RBFOX3: variants seen among roughly 807,000 people sequenced by gnomAD.
RBFOX3 encodes RNA binding fox-1 homolog 3, also known as RNA binding protein fox-1 homolog 3.
RBFOX3 carries 17 observed loss-of-function variants against 48.7 expected under a neutral mutation model. The ratio of observed to expected loss-of-function variants is 0.35; its 90% CI spans 0.24 to 0.52. The LOEUF (loss-of-function observed/expected upper bound fraction) is 0.52. RBFOX3 is among the 20% of genes least tolerant of loss of function. The pLI is 0.94. For missense variants in RBFOX3, 382 were observed against 497.5 expected (o/e 0.77, Z 2.21); for synonymous variants, 212 against 209.5 (o/e 1.01, Z -0.10).
intron 3 of RBFOX3, among the ~76,000 whole-genome samples, chr17:79,250,785 C>T (rs2063818102): frequency 6.7e-6 from 1 of 149,684 alleles, no homozygotes; most frequent in African/African-American, 2.5e-5. Context: ...CCCTCCCTCC[C>T]TCCCTTCCTT....
At chr17:79,227,643 G>A (rs921989422) in intron 4 of RBFOX3, among the ~76,000 whole-genome samples, 1 of 152,090 alleles carries the variant, frequency 6.6e-6, no homozygotes, top group Non-Finnish European at 1.5e-5. Context: ...ACTCTTCCAT[G>A]GCTTATAACT....
chr17:79,453,603 A>G (rs1438049774), intron 2 of RBFOX3, among the ~76,000 whole-genome samples: 6 of 152,158 alleles, frequency 3.9e-5, no homozygotes, highest in Admixed American at 3.9e-4. Flanking sequence ...GTGCCGTTTA[A>G]GAGTGTGCAG....
At chr17:79,227,118 G>T (rs2060398091) in intron 4 of RBFOX3, among the ~76,000 whole-genome samples, 1 of 152,194 alleles carries the variant, frequency 6.6e-6, no homozygotes, top group African/African-American at 2.4e-5. Flanking sequence ...GCAAGCGCCA[G>T]CCAGTTGGCA....
At chr17:79,316,962 A>G (rs1470483145) in intron 2 of RBFOX3, among the ~76,000 whole-genome samples, 1 of 152,206 alleles carries the variant, frequency 6.6e-6, no homozygotes, top group Non-Finnish European at 1.5e-5. Context: ...CACACAAGAT[A>G]TGCACACTCA....
rs2149474130 is a variant in RBFOX3 at position 79,480,228 on chromosome 17, G to C, written c.-175+2226C>G. ...ATCTGGGCTCCCCGAGGGGGCCCCTGATGGTTTACGGAATGGGGTGACAGC... is the reference window on the plus strand; with the variant it reads ...ATCTGGGCTCCCCGAGGGGGCCCCTCATGGTTTACGGAATGGGGTGACAGC... On this transcript the variant is annotated intron_variant, in intron 2 of 14. Transcript: ENST00000693108. This position sits in a 1 kb window ranked among gnomAD's most constrained non-coding sequence, Gnocchi z 4.8. Among the ~76,000 whole-genome samples, 1 of 152,312 alleles carries C rather than the reference G, an allele frequency of 6.6e-6. No homozygotes were observed. Among genetic ancestry groups the C allele is most frequent in the South Asian group, 2.1e-4 (1 of 4,822 alleles).
At chr17:79,571,267 A>G (rs1040138901) in intron 1 of RBFOX3, among the ~76,000 whole-genome samples, 1 of 152,164 alleles carries the variant, frequency 6.6e-6, no homozygotes, top group Non-Finnish European at 1.5e-5. Context: ...CCCCAAATCA[A>G]GAAAATGGCA....
In RBFOX3 at chr17:79,242,844, C is replaced by T. The variant is rs879496175; in HGVS notation, c.-73-7039G>A. 3.5e-4 allele frequency among the ~76,000 whole-genome samples: 53 copies of T among 152,216 alleles called. No individual in the cohort carries two copies. The highest frequency in any genetic ancestry group is 3.4e-3 in the Middle Eastern group (1 of 294). On this transcript the variant is annotated intron_variant, in intron 3 of 14. Coordinates refer to ENST00000693108, the MANE Select transcript of RBFOX3 (RefSeq NM_001350451.2). This position sits in a 1 kb window ranked among gnomAD's most constrained non-coding sequence, Gnocchi z 5.8. The stretch of plus-strand genomic sequence containing the variant: ...GTTTTGCCTCCTCTCCCAGGAAGCC[C>T]GGGCAGGGCTCCACAGCAACCTGCC...
At chr17:79,549,497 A>T (rs1555792957) in intron 1 of RBFOX3, among the ~76,000 whole-genome samples, 1 of 152,260 alleles carries the variant, frequency 6.6e-6, no homozygotes, top group East Asian at 1.9e-4. Context: ...TGAATCTGAT[A>T]CCAGGGTTAG....
intron 1 of RBFOX3, among the ~76,000 whole-genome samples, chr17:79,578,206 G>A (rs1392693435): frequency 3.3e-5 from 5 of 152,250 alleles, no homozygotes; most frequent in Non-Finnish European, 4.4e-5. Context: ...TGGCGATGCC[G>A]GGAGCAACCA....
intron 4 of RBFOX3, among the ~76,000 whole-genome samples, chr17:79,202,204 T>A (rs1231924818): frequency 6.6e-6 from 1 of 152,048 alleles, no homozygotes; most frequent in Non-Finnish European, 1.5e-5. Context: ...GCATCTGAGC[T>A]GGACTGTGCT....
intron 4 of RBFOX3, among the ~76,000 whole-genome samples, chr17:79,226,924 G>A (rs1343789586): frequency 6.6e-6 from 1 of 152,260 alleles, no homozygotes; most frequent in East Asian, 1.9e-4. Context: ...TTGCTCGGGA[G>A]GCTCTGGGAC....
At chr17:79,558,493 A>G in intron 1 of RBFOX3, among the ~76,000 whole-genome samples, 1 of 152,140 alleles carries the variant, frequency 6.6e-6, no homozygotes, top group Non-Finnish European at 1.5e-5. Context: ...CTTCCAAAGC[A>G]GAAACACCAG....
chr17:79,357,519 T>C (rs2085403055), intron 2 of RBFOX3, among the ~76,000 whole-genome samples: 1 of 152,098 alleles, frequency 6.6e-6, no homozygotes, highest in Non-Finnish European at 1.5e-5. Context: ...TAGTCCCAGC[T>C]ACTTGGGAGG....
chr17:79,243,811 G>A lies in RBFOX3; in HGVS notation c.-73-8006C>T, dbSNP rs2062745639. On this transcript the variant is annotated intron_variant, in intron 3 of 14. Coordinates refer to ENST00000693108, the MANE Select transcript of RBFOX3 (RefSeq NM_001350451.2). The surrounding 1 kb of genome is among the most constrained non-coding windows in gnomAD (Gnocchi z 7.9). Reference sequence around the variant, plus strand: ...GCCAAGGTTGACACAGCTTCCAAAGGGCAGAGCCAAGACAAGAAGGCGCAA... The same window carrying A: ...GCCAAGGTTGACACAGCTTCCAAAGAGCAGAGCCAAGACAAGAAGGCGCAA... Among the ~76,000 whole-genome samples the A allele has an allele frequency of 1.3e-5, 2 of 152,050 alleles. No individual in the cohort carries two copies. The highest frequency in any genetic ancestry group is 1.3e-4 in the Admixed American group (2 of 15,266).
chr17:79,536,498 GC>G (rs2088779166), intron 1 of RBFOX3, among the ~76,000 whole-genome samples: 1 of 152,248 alleles, frequency 6.6e-6, no homozygotes, highest in Non-Finnish European at 1.5e-5. Flanking sequence ...CAGCTGAGTG[GC>G]CCTGCTTAAT....
At chr17:79,137,159 C>T (rs1046350244) in intron 4 of RBFOX3, among the ~76,000 whole-genome samples, 1 of 152,146 alleles carries the variant, frequency 6.6e-6, no homozygotes, top group East Asian at 1.9e-4. Flanking sequence ...CACGTGCTCA[C>T]ATGCATGGAC....
chr17:79,138,952 C>CACACAGCACATGCGTT (rs1568207913), intron 4 of RBFOX3, among the ~76,000 whole-genome samples: 1 of 41,452 alleles, frequency 2.4e-5, no homozygotes, highest in African/African-American at 1.3e-4. Context: ...CCCCCCTCAG[C>CACACAGCACATGCGTT]CCCACACATG....
chr17:79,420,115 A>C (rs2148716634), intron 2 of RBFOX3, among the ~76,000 whole-genome samples: 1 of 139,694 alleles, frequency 7.2e-6, no homozygotes, highest in Admixed American at 7.4e-5. Flanking sequence ...CAACAGAGCA[A>C]GACTCCGTCT....
In RBFOX3 at chr17:79,214,726, G is replaced by T. The variant is rs1469103590; in HGVS notation, c.-34+21040C>A. Among the ~76,000 whole-genome samples the T allele has an allele frequency of 3.9e-5, 6 of 151,974 alleles. No individual in the cohort carries two copies. Among genetic ancestry groups the T allele is most frequent in the Non-Finnish European group, 8.8e-5 (6 of 67,948 alleles). ...AGGAGGGGAGGCTGGAGGCCCAGGGGCCCCCAGCTACTAGACGGCCCTAGG... is the reference window on the plus strand; with the variant it reads ...AGGAGGGGAGGCTGGAGGCCCAGGGTCCCCCAGCTACTAGACGGCCCTAGG... On this transcript the variant is annotated intron_variant, in intron 4 of 14. Coordinates refer to ENST00000693108, the MANE Select transcript of RBFOX3 (RefSeq NM_001350451.2). The surrounding 1 kb of genome is among the most constrained non-coding windows in gnomAD (Gnocchi z 4.7).
Sources: gnomAD v4.1 joint callset for allele counts (sites outside exome capture counted in the v4.1 genomes callset) on GRCh38, gnomAD v4.1.1 for gene constraint, Gnocchi (gnomAD v3.1) non-coding constraint, MANE v1.5 for transcripts, NCBI Gene and HGNC (gene_info 2026-07-23, HGNC 2026-07-21) for gene names.